IP6K3: variants seen among roughly 807,000 people sequenced by gnomAD.
The protein encoded by IP6K3 is inositol hexakisphosphate kinase 3.
Under a neutral mutation model 28.8 loss-of-function variants are expected in IP6K3, and 20 were observed. That is an observed-to-expected ratio of 0.70 (90% CI 0.49 to 1.01). IP6K3 has a LOEUF of 1.01. Among genes scored for constraint, IP6K3 ranks in the 50% least tolerant of loss-of-function variants. The probability of loss-of-function intolerance (pLI) is 0.00; values close to 1 mark genes in which losing one functional copy is unlikely to be tolerated. For missense variants in IP6K3, 480 were observed against 537.1 expected, an observed-to-expected ratio of 0.89 and a Z score of 1.05; for synonymous variants, 213 against 221.3, an observed-to-expected ratio of 0.96 and a Z score of 0.33.
upstream of IP6K3, among the ~76,000 whole-genome samples, chr6:33,750,536 A>T (rs1408034683): frequency 6.6e-6 from 1 of 152,112 alleles, no homozygotes; most frequent in Non-Finnish European, 1.5e-5. This position sits in a 1 kb window ranked among gnomAD's most constrained non-coding sequence, Gnocchi z 4.3. Context: ...TGCCAGCTGT[A>T]GTTGCATATT....
chr6:33,723,901 G>T (rs1164468087), intron 5 of IP6K3, among the ~76,000 whole-genome samples: 1 of 152,188 alleles, frequency 6.6e-6, no homozygotes, highest in Non-Finnish European at 1.5e-5. Flanking sequence ...ATGGAAGAGA[G>T]ATACTGATGG....
At position 33,728,170 on chromosome 6, in the gene IP6K3, G is replaced by A. The variant is rs1290082459; in HGVS notation, c.330C>T (p.Leu110=). The change falls in exon 3 of 6, where the codon CTC becomes CTT. Residue 110 remains leucine, a synonymous_variant. Transcript: ENST00000293756. ...TGCCATTGCTGCCGGTGGTCTGCTG[G>A]AGCGTCTGCCATATGGCCACCGCCG... ...ESAAVAIWQT[L]QQTTGSNGSD... 1 of 1,612,956 alleles carries A rather than the reference G, an allele frequency of 6.2e-7. No homozygotes were observed. The highest frequency in any genetic ancestry group is 8.5e-7 in the Non-Finnish European group (1 of 1,180,016).
intron 3 of IP6K3, 135 bp from the exon 4 acceptor site, chr6:33,727,041 G>T: frequency 1.1e-6 from 1 of 880,376 alleles, no homozygotes; most frequent in Non-Finnish European, 1.6e-6. Context: ...CCCTCACCAG[G>T]CTGGGGCACC....
chr6:33,725,319 C>T (rs1009758930), intron 5 of IP6K3, 122 bp downstream of exon 5: 1 of 968,294 alleles, frequency 1.0e-6, no homozygotes, highest in Non-Finnish European at 1.5e-6. Flanking sequence ...CTGGCCTCCT[C>T]TGTGGCTCCT....
chr6:33,741,914 G>A (rs1182851557), intron 1 of IP6K3, among the ~76,000 whole-genome samples: 2 of 151,454 alleles, frequency 1.3e-5, no homozygotes, highest in African/African-American at 4.9e-5. Flanking sequence ...TCGTGCCATT[G>A]CACTCCAGCC....
chr6:33,733,768 C>T (rs1766405815), intron 2 of IP6K3, among the ~76,000 whole-genome samples: 1 of 152,238 alleles, frequency 6.6e-6, no homozygotes. Context: ...GTGTGTGACG[C>T]TGATCGGTCT....
chr6:33,748,572 G>A (rs1766972702), upstream of IP6K3, among the ~76,000 whole-genome samples: 1 of 149,066 alleles, frequency 6.7e-6, no homozygotes, highest in Admixed American at 6.8e-5. Context: ...TCAGAAGGCT[G>A]AGGCTGTGGT....
chr6:33,721,988 G>A lies in IP6K3; in HGVS notation c.*732C>T. 1 of 152,392 alleles carries A rather than the reference G, an allele frequency of 6.6e-6. No individual in the cohort carries two copies. The allele number at this position is 152,392 out of a possible 1,614,324, so 9.4% of individuals were successfully genotyped here. ...AAGCCGCGTCTCATGGTCAGAATGTGGCAGAATGGGGAACTCCAAAGTCTG... is the reference window on the plus strand; with the variant it reads ...AAGCCGCGTCTCATGGTCAGAATGTAGCAGAATGGGGAACTCCAAAGTCTG... On this transcript the variant is annotated 3_prime_UTR_variant, in exon 6 of 6. Coordinates refer to ENST00000293756, the MANE Select transcript of IP6K3 (RefSeq NM_054111.5).
chr6:33,728,293 G>A lies in IP6K3; in HGVS notation c.207C>T (p.Val69=). ...KRFTPQYKGT[V]TVHLWKDSTG... ...TGCTGTCTTTCCAGAGGTGCACTGT[G>A]ACGGTACCTGCAAACACACAGGGAA... The change falls in exon 3 of 6, where the codon GTC becomes GTT. Residue 69 remains valine (V), a synonymous_variant. Coordinates refer to ENST00000293756, the MANE Select transcript of IP6K3 (RefSeq NM_054111.5). 6.2e-7 allele frequency: 1 copy of A among 1,614,108 alleles called. No individual in the cohort carries two copies. The highest frequency in any genetic ancestry group is 8.5e-7 in the Non-Finnish European group (1 of 1,179,988).
intron 1 of IP6K3, among the ~76,000 whole-genome samples, chr6:33,736,194 T>C (rs577858748): frequency 6.6e-6 from 1 of 152,296 alleles, no homozygotes; most frequent in East Asian, 1.9e-4. Flanking sequence ...TTGTACTTTT[T>C]GAATTTAAAT....
At position 33,730,581 on chromosome 6, in the gene IP6K3, A is replaced by T. The variant is rs141989909; in HGVS notation, c.200-2281T>A. ...TGTCCTGCTCGTGAGACAGGGGCTG[A>T]CGGCAGGTTGAGGAAGGAATCACAG... On this transcript the variant is annotated intron_variant, in intron 2 of 5. Transcript: ENST00000293756. 3.3e-4 allele frequency among the ~76,000 whole-genome samples: 51 copies of T among 152,308 alleles called. No homozygotes were observed. The East Asian group carries it at 9.3e-3, about 28-fold the overall frequency.
Position 33,723,073 on chromosome 6 carries a change from G to T in IP6K3, c.880C>A (p.Leu294Ile). 1 of 1,614,172 alleles carries T rather than the reference G, an allele frequency of 6.2e-7. No homozygotes were observed. The highest frequency in any genetic ancestry group is 8.5e-7 in the Non-Finnish European group (1 of 1,180,006). Residue 294 changes from leucine to isoleucine, a missense_variant, in exon 6 of 6, where the codon CTC (leucine) becomes ATC (isoleucine). Transcript: ENST00000293756. ...ATGGGCTCCAGGAGCTCCCTCCGGA[G>T]GTGGCTTCCATTATGTAGGAACTGA... ...LYQFLHNGSH[L>I]RRELLEPILH...
At chr6:33,759,795 C>G in the IP6K3 span, among the ~76,000 whole-genome samples, 1 of 151,872 alleles carries the variant, frequency 6.6e-6, no homozygotes, top group Non-Finnish European at 1.5e-5. Flanking sequence ...ATGGCGTGAA[C>G]CCAGGAGGCG....
chr6:33,751,606 C>T (rs13206228), upstream of IP6K3, among the ~76,000 whole-genome samples: 24 of 151,466 alleles, frequency 1.6e-4, no homozygotes, highest in African/African-American at 5.3e-4. The surrounding 1 kb of genome is among the most constrained non-coding windows in gnomAD (Gnocchi z 4.3). Context: ...GGCAGAGGGC[C>T]GGCCCTGCCC....
chr6:33,735,827 C>G (rs1766504017), intron 1 of IP6K3, among the ~76,000 whole-genome samples, 172 bp from the exon 2 acceptor site: 1 of 152,130 alleles, frequency 6.6e-6, no homozygotes, highest in Non-Finnish European at 1.5e-5. Context: ...TCATGAGAAA[C>G]CAGTTACAGT....
At chr6:33,748,030 G>A (rs57321564), upstream of IP6K3, among the ~76,000 whole-genome samples, 64 of 152,220 alleles carry the variant, frequency 4.2e-4, no homozygotes, top group East Asian at 8.9e-3. Context: ...ACCAGTATTA[G>A]GAAGATCAAG....
the IP6K3 span, among the ~76,000 whole-genome samples, chr6:33,751,946 G>C: frequency 2.6e-5 from 4 of 152,174 alleles, no homozygotes; most frequent in Admixed American, 2.6e-4. This position sits in a 1 kb window ranked among gnomAD's most constrained non-coding sequence, Gnocchi z 4.3. Flanking sequence ...TTGGCACTGG[G>C]CTAGCTCTCC....
upstream of IP6K3, among the ~76,000 whole-genome samples, chr6:33,751,522 G>GTGTGTGTGTGT (rs1554146748): frequency 7.0e-6 from 1 of 143,498 alleles, no homozygotes; most frequent in South Asian, 2.2e-4. The surrounding 1 kb of genome is among the most constrained non-coding windows in gnomAD (Gnocchi z 4.3). Flanking sequence ...GTGTGTGTTT[G>GTGTGTGTGTGT]GCCCCGGGAA....
Position 33,735,576 on chromosome 6 carries a change from T to C in IP6K3, c.-100A>G, listed in dbSNP as rs1766495739. On this transcript the variant is annotated 5_prime_UTR_variant, in exon 2 of 6. Transcript: ENST00000293756. ...CAACAGCACACGGGGCTGTCAGCGG[T>C]CCTCAACTTTCTCCTTCTTGGCCTT... is the stretch of plus-strand genomic sequence containing the variant. 6.6e-7 allele frequency: 1 copy of C among 1,515,168 alleles called. No homozygotes were observed. The highest frequency in any genetic ancestry group is 1.4e-5 in the African/African-American group (1 of 72,080). 93.9% of individuals were successfully genotyped at this position (1,515,168 alleles called of 1,614,324 possible).
Sources: allele counts gnomAD v4.1 joint callset (sites outside exome capture counted in the v4.1 genomes callset), GRCh38; gene constraint gnomAD v4.1.1; non-coding constraint Gnocchi (gnomAD v3.1); transcripts MANE v1.5; gene names NCBI Gene and HGNC (gene_info 2026-07-23, HGNC 2026-07-21).